CWF19L1: variants seen among roughly 807,000 people sequenced by gnomAD.
The protein encoded by CWF19L1 is CWF19 like cell cycle control factor 1.
CWF19L1 carries 60 observed loss-of-function variants against 69.7 expected under a neutral mutation model. The observed-to-expected ratio is 0.86, with a 90% CI of 0.70 to 1.07. The LOEUF is 1.07. Among genes scored for constraint, CWF19L1 ranks in the 50% least tolerant of loss-of-function variants. CWF19L1 has a pLI of 0.00. For synonymous variants in CWF19L1, 209 were observed against 222.2 expected (o/e 0.94, Z 0.53); for missense variants, 591 against 638.9 (o/e 0.92, Z 0.81).
Position 100,233,155 on chromosome 10 carries a change from A to T in CWF19L1, c.*72T>A. The T allele has an allele frequency of 2.1e-6, 3 of 1,450,234 alleles. No homozygotes were observed. The highest frequency in any genetic ancestry group is 2.8e-6 in the Non-Finnish European group (3 of 1,081,566). The allele number at this position is 1,450,234 out of a possible 1,614,324, so 89.8% of individuals were successfully genotyped here. On this transcript the variant is annotated 3_prime_UTR_variant, in exon 14 of 14. Transcript: ENST00000354105. ...AGAGCGAGACTTTGTCTCAAAAAAA[A>T]TTCTTTTAATTAAAAAAAAAAAAAA...
chr10:100,243,715 C>T lies in CWF19L1; in HGVS notation c.1027G>A (p.Val343Ile), dbSNP rs867832302. 1 of 1,614,000 alleles carries T rather than the reference C, an allele frequency of 6.2e-7. No homozygotes were observed. Among genetic ancestry groups the T allele is most frequent in the Admixed American group, 1.7e-5 (1 of 60,010 alleles). The change falls in exon 10 of 14, where the codon GTC becomes ATC. Residue 343 changes from valine to isoleucine, a missense_variant. Coordinates refer to ENST00000354105, the MANE Select transcript of CWF19L1 (RefSeq NM_018294.6). ...TAACTCACATGTGTGCCGATGTTGA[C>T]CACCAAATGTTTTTCCACTTCAGGG... is the stretch of plus-strand genomic sequence containing the variant. ...ASPEVEKHLV[V>I]NIGTHCYLAL...
At chr10:100,256,522 T>C in intron 4 of CWF19L1, 46 bp from the exon 5 acceptor site, 1 of 1,486,424 alleles carries the variant, frequency 6.7e-7, no homozygotes, top group South Asian at 1.1e-5. Context: ...AATTGCAGAA[T>C]GAAAAGCCAT....
rs1331358745 is a variant in CWF19L1, at chr10:100,245,853, A to G, written c.910T>C (p.Ser304Pro). ...GAAGATTTGCTATCTCTACCTGTGGATGAACGCTTCCTTCCCTGCTTTTCA... is the reference window on the plus strand; with the variant it reads ...GAAGATTTGCTATCTCTACCTGTGGGTGAACGCTTCCTTCCCTGCTTTTCA... ...LNEKQGRKRS[S>P]TGRDSKSSPH... The change falls in exon 9 of 14, where the codon TCC becomes CCC. Residue 304 changes from serine to proline, a missense_variant. Coordinates refer to ENST00000354105, the MANE Select transcript of CWF19L1 (RefSeq NM_018294.6). 6.2e-7 allele frequency: 1 copy of G among 1,614,100 alleles called. No homozygotes were observed. The highest frequency in any genetic ancestry group is 8.5e-7 in the Non-Finnish European group (1 of 1,180,036).
In CWF19L1 at chr10:100,266,539, G is replaced by A. The variant is rs535629471; in HGVS notation, c.23+1032C>T. On this transcript the variant is annotated intron_variant, in intron 1 of 13. Transcript: ENST00000354105. Reference sequence around the variant, plus strand: ...ATCTGAATTCCTTTTTTTTTAGACGGAGTCTCACTCTGTTACCTAGGCTGG... The same window carrying A: ...ATCTGAATTCCTTTTTTTTTAGACGAAGTCTCACTCTGTTACCTAGGCTGG... Among the ~76,000 whole-genome samples, 441 of 150,628 alleles carry A rather than the reference G, an allele frequency of 2.9e-3. 4 individuals are homozygous for A. Among genetic ancestry groups the A allele is most frequent in the African/African-American group, 0.011 (429 of 40,820 alleles).
In CWF19L1 at chr10:100,253,492, A is replaced by T. The variant is rs994967160; in HGVS notation, c.552T>A (p.Leu184=). The T allele has an allele frequency of 6.2e-7, 1 of 1,614,164 alleles. No individual in the cohort carries two copies. Residue 184 remains leucine, a synonymous_variant, in exon 6 of 14, where the codon CTT becomes CTA. Coordinates refer to ENST00000354105, the MANE Select transcript of CWF19L1 (RefSeq NM_018294.6). The part of the protein sequence containing the change: ...KKCGSALVSS[L]ATGLKPRYHF... Reference sequence around the variant, plus strand: ...GGTATCTTGGTTTCAAGCCCGTGGCAAGACTGGAAACCAAAGCAGAACCAC... The same window carrying T: ...GGTATCTTGGTTTCAAGCCCGTGGCTAGACTGGAAACCAAAGCAGAACCAC...
At chr10:100,241,227 G>C (rs1234647459) in intron 10 of CWF19L1, among the ~76,000 whole-genome samples, 7 of 151,926 alleles carry the variant, frequency 4.6e-5, no homozygotes, top group Non-Finnish European at 1.0e-4. Context: ...GGCTGGTCTT[G>C]AACTCCTGAC....
intron 6 of CWF19L1, among the ~76,000 whole-genome samples, chr10:100,252,658 C>T (rs756287681): frequency 3.9e-5 from 6 of 151,972 alleles, no homozygotes; most frequent in Non-Finnish European, 8.8e-5. Context: ...CATGGTGAAA[C>T]CCCGTCTCTA....
At position 100,250,816 on chromosome 10, in the gene CWF19L1, T is replaced by C. The variant is rs538978454; in HGVS notation, c.624-484A>G. ...TTTTTTAATTAACTGGGCATGGTGGTGCATACCTACAGTCCCAGCTACTCA... is the reference window on the plus strand; with the variant it reads ...TTTTTTAATTAACTGGGCATGGTGGCGCATACCTACAGTCCCAGCTACTCA... On this transcript the variant is annotated intron_variant, in intron 6 of 13. Transcript: ENST00000354105. 2.0e-4 allele frequency among the ~76,000 whole-genome samples: 30 copies of C among 152,062 alleles called. No homozygotes were observed. The South Asian group carries it at 5.8e-3, about 30-fold the overall frequency.
At chr10:100,243,669 T>C (rs1408557556) in intron 10 of CWF19L1, 29 bp downstream of exon 10, 2 of 1,551,026 alleles carry the variant, frequency 1.3e-6, no homozygotes, top group South Asian at 2.2e-5. Flanking sequence ...GGCATCTCCT[T>C]CTCTATAAAG....
At chr10:100,262,205 C>T (rs1847426408) in intron 1 of CWF19L1, 142 bp from the exon 2 acceptor site, 15 of 1,373,046 alleles carry the variant, frequency 1.1e-5, no homozygotes, top group Non-Finnish European at 1.3e-5. Context: ...GCACGTAAAC[C>T]ACTGGGCAGA....
In CWF19L1 at chr10:100,236,837, T is replaced by C; in HGVS notation, c.1374+13A>G. The stretch of plus-strand genomic sequence containing the variant: ...ATTTACTCTTCCCTGAATATCACCA[T>C]CCCCTGTTTCACCTGCTTGATGTCA... On this transcript the variant is annotated intron_variant, in intron 12 of 13. Coordinates refer to ENST00000354105, the MANE Select transcript of CWF19L1 (RefSeq NM_018294.6). 2 of 1,575,378 alleles carry C rather than the reference T, an allele frequency of 1.3e-6. No homozygotes were observed. The highest frequency in any genetic ancestry group is 1.7e-6 in the Non-Finnish European group (2 of 1,166,026).
chr10:100,237,915 C>G, intron 11 of CWF19L1, 107 bp downstream of exon 11: 1 of 1,071,668 alleles, frequency 9.3e-7, no homozygotes, highest in Non-Finnish European at 1.4e-6. Context: ...TCCCAAAGTG[C>G]TAGGATTACA....
intron 1 of CWF19L1, 91 bp downstream of exon 1, chr10:100,267,480 C>A: frequency 6.2e-7 from 1 of 1,611,476 alleles, no homozygotes; most frequent in South Asian, 1.1e-5. Context: ...TTCCTTCTCC[C>A]TTCCCGTCAT....
intron 5 of CWF19L1, among the ~76,000 whole-genome samples, chr10:100,254,804 A>G (rs902760178): frequency 5.3e-5 from 8 of 152,140 alleles, no homozygotes; most frequent in African/African-American, 1.7e-4. Context: ...TCATCACTTT[A>G]GCAGCCCTTC....
chr10:100,265,353 A>C (rs569059320), intron 1 of CWF19L1, among the ~76,000 whole-genome samples: 1 of 152,096 alleles, frequency 6.6e-6, no homozygotes, highest in South Asian at 2.1e-4. Flanking sequence ...ATATAGGTGA[A>C]GTGTACAGTA....
intron 6 of CWF19L1, among the ~76,000 whole-genome samples, chr10:100,252,220 T>C (rs1053703971): frequency 1.3e-5 from 2 of 152,058 alleles, no homozygotes; most frequent in Non-Finnish European, 2.9e-5. Context: ...TTGACCTCTA[T>C]ATCAGGAGAT....
chr10:100,256,613 C>T (rs1308075289), intron 4 of CWF19L1, 137 bp from the exon 5 acceptor site: 1 of 665,424 alleles, frequency 1.5e-6, no homozygotes, highest in Non-Finnish European at 2.6e-6. Flanking sequence ...CCAGCAGCTC[C>T]CTTCTGGCTG....
chr10:100,255,352 T>C (rs1344795119), intron 5 of CWF19L1, among the ~76,000 whole-genome samples: 1 of 150,612 alleles, frequency 6.6e-6, no homozygotes, highest in Non-Finnish European at 1.5e-5. Context: ...CTACTAAAAA[T>C]ACAAAAATTA....
intron 7 of CWF19L1, chr10:100,248,286 G>C (rs548213076): frequency 3.0e-5 from 41 of 1,356,632 alleles, no homozygotes; most frequent in Non-Finnish European, 3.9e-5. Context: ...TTTTGAGTCC[G>C]TTGGCAAGTT....
Sources: gnomAD v4.1 joint callset for allele counts (sites outside exome capture counted in the v4.1 genomes callset) on GRCh38, gnomAD v4.1.1 for gene constraint, MANE v1.5 for transcripts, NCBI Gene and HGNC (gene_info 2026-07-23, HGNC 2026-07-21) for gene names.